The following DPP10 variants were observed in gnomAD, a reference collection of about 807,000 sequenced individuals.
DPP10 encodes the protein dipeptidyl peptidase like 10, also known as inactive dipeptidyl peptidase 10.
DPP10 carries 33 observed loss-of-function variants against 120.9 expected under a neutral mutation model. The ratio of observed to expected loss-of-function variants is 0.27; its 90% CI spans 0.21 to 0.37. The LOEUF (loss-of-function observed/expected upper bound fraction) is 0.37, where lower values mean the gene tolerates loss of function less well. Ranked by LOEUF, DPP10 falls within the 10% of genes least tolerant of loss-of-function variation. DPP10 has a pLI of 1.00. For synonymous variants in DPP10, 337 were observed against 326.1 expected (o/e 1.03, Z -0.36); for missense variants, 816 against 942.8 (o/e 0.87, Z 1.76).
At chr2:115,663,181 GA>G (rs1182241226) in intron 5 of DPP10, among the ~76,000 whole-genome samples, 4 of 151,718 alleles carry the variant, frequency 2.6e-5, no homozygotes, top group Non-Finnish European at 2.9e-5. Flanking sequence ...TTAAAATAAT[GA>G]AAAAAATGCA....
intron 4 of DPP10, among the ~76,000 whole-genome samples, chr2:115,514,239 T>C (rs980172436): frequency 1.3e-5 from 2 of 151,932 alleles, no homozygotes; most frequent in Admixed American, 6.6e-5. Flanking sequence ...TATGTGTGGA[T>C]CTTTTTGAGC....
intron 1 of DPP10, among the ~76,000 whole-genome samples, chr2:115,220,371 C>T (rs924656649): frequency 3.8e-5 from 4 of 105,230 alleles, no homozygotes; most frequent in Non-Finnish European, 8.5e-5. Flanking sequence ...TGTAGATCTT[C>T]CGTGTGACCT....
chr2:114,701,695 G>C (rs1183627846), intron 1 of DPP10, among the ~76,000 whole-genome samples: 1 of 152,062 alleles, frequency 6.6e-6, no homozygotes, highest in Non-Finnish European at 1.5e-5. Context: ...GGAAAAACGA[G>C]TGCCAACTAC....
intron 1 of DPP10, among the ~76,000 whole-genome samples, chr2:114,584,317 T>C (rs2105107621): frequency 6.6e-6 from 1 of 152,314 alleles, no homozygotes; most frequent in East Asian, 1.9e-4. Context: ...TAGTGATCAC[T>C]GAGGGGCAAA....
chr2:114,901,710 T>C (rs1693587737), intron 1 of DPP10, among the ~76,000 whole-genome samples: 1 of 152,210 alleles, frequency 6.6e-6, no homozygotes, highest in East Asian at 1.9e-4. Context: ...TAAAATTGAA[T>C]GTGCAAAACG....
intron 1 of DPP10, among the ~76,000 whole-genome samples, chr2:115,032,756 G>A (rs1703927982): frequency 6.6e-6 from 1 of 151,640 alleles, no homozygotes; most frequent in Admixed American, 6.6e-5. Context: ...GCAGTGGCAG[G>A]CGCCTGTAAT....
intron 5 of DPP10, chr2:115,580,172 T>A (rs2081932846): frequency 6.6e-6 from 1 of 152,236 alleles, no homozygotes; most frequent in Non-Finnish European, 1.5e-5. Flanking sequence ...TTCCACAGTA[T>A]GTACACAATT....
chr2:114,597,289 T>C (rs1691994616), intron 1 of DPP10, among the ~76,000 whole-genome samples: 1 of 151,920 alleles, frequency 6.6e-6, no homozygotes, highest in Admixed American at 6.6e-5. Context: ...GGAATAAGGA[T>C]AGAAAGTGAC....
chr2:115,328,658 A>T (rs2062509316), intron 2 of DPP10, among the ~76,000 whole-genome samples: 2 of 151,668 alleles, frequency 1.3e-5, no homozygotes, highest in Non-Finnish European at 2.9e-5. Flanking sequence ...AGCTTCAAAT[A>T]AAATTCTATA....
At chr2:115,542,679 A>T (rs1291069120) in intron 5 of DPP10, among the ~76,000 whole-genome samples, 1 of 151,700 alleles carries the variant, frequency 6.6e-6, no homozygotes, top group East Asian at 2.0e-4. Context: ...GAGCACAAGC[A>T]TTAAGAGATG....
At chr2:115,032,920 T>G (rs1238627413) in intron 1 of DPP10, among the ~76,000 whole-genome samples, 2 of 150,288 alleles carry the variant, frequency 1.3e-5, no homozygotes, top group Non-Finnish European at 3.0e-5. Context: ...AGAAGAAGAA[T>G]ATAGGTTCAT....
chr2:115,549,057 A>G (rs1218045294), intron 5 of DPP10, among the ~76,000 whole-genome samples: 1 of 152,154 alleles, frequency 6.6e-6, no homozygotes, highest in African/African-American at 2.4e-5. Context: ...GCAAATACTT[A>G]ATCAGGCCTC....
At chr2:115,777,353 T>C (rs534481103) in intron 14 of DPP10, 54 bp downstream of exon 14, 122 of 1,438,486 alleles carry the variant, frequency 8.5e-5, no homozygotes, top group Non-Finnish European at 1.2e-4. Flanking sequence ...TCAAATGCCA[T>C]CTTTTCTAAT....
At chr2:115,212,082 C>G (rs568893065) in intron 1 of DPP10, among the ~76,000 whole-genome samples, 166 of 152,256 alleles carry the variant, frequency 1.1e-3, no homozygotes, top group Middle Eastern at 3.4e-3. Context: ...ATGCCTTTGT[C>G]AAGTACTTGT....
chr2:115,047,892 C>A (rs79766244), intron 1 of DPP10, among the ~76,000 whole-genome samples: 2,080 of 152,182 alleles, frequency 0.014, 42 homozygotes, highest in African/African-American at 0.047. Flanking sequence ...ATCTCTCTAT[C>A]CCTCAGTCCT....
intron 3 of DPP10, among the ~76,000 whole-genome samples, chr2:115,453,034 T>C (rs708657): frequency 0.99 from 149,627 of 151,840 alleles, 73,767 homozygotes; most frequent in South Asian, 1. Context: ...TCCAACTACT[T>C]AATATGGTTT....
intron 5 of DPP10, among the ~76,000 whole-genome samples, chr2:115,607,842 C>G (rs2083803406): frequency 6.6e-6 from 1 of 151,932 alleles, no homozygotes; most frequent in African/African-American, 2.4e-5. Flanking sequence ...ACATTATATC[C>G]CAGGAAACAG....
At chr2:115,602,492 A>G (rs1467704750) in intron 5 of DPP10, among the ~76,000 whole-genome samples, 6 of 152,210 alleles carry the variant, frequency 3.9e-5, no homozygotes, top group Non-Finnish European at 8.8e-5. Context: ...CAACATTCAA[A>G]AGCATCTTTT....
At chr2:115,575,321 G>T (rs536921948) in intron 5 of DPP10, among the ~76,000 whole-genome samples, 1 of 152,286 alleles carries the variant, frequency 6.6e-6, no homozygotes, top group African/African-American at 2.4e-5. Context: ...ATCATCATAA[G>T]AAAGTGAGTG....
Sources: gnomAD v4.1 joint callset for allele counts (sites outside exome capture counted in the v4.1 genomes callset) on GRCh38, gnomAD v4.1.1 for gene constraint, MANE v1.5 for transcripts, NCBI Gene and HGNC (gene_info 2026-07-23, HGNC 2026-07-21) for gene names.